Variants in SCAP observed in about 807,000 individuals in gnomAD.
The protein encoded by SCAP is sterol regulatory element-binding protein cleavage-activating protein.
Under a neutral mutation model 123.6 loss-of-function variants are expected in SCAP, and 65 were observed. The ratio of observed to expected loss-of-function variants is 0.53; its 90% confidence interval spans 0.43 to 0.65. The LOEUF is 0.65. Among genes scored for constraint, SCAP ranks in the 30% least tolerant of loss-of-function variants. The pLI is 0.00. For missense variants in SCAP, 1,398 were observed against 1,712.5 expected, an observed-to-expected ratio of 0.82 and a Z score of 3.24; for synonymous variants, 740 against 726.3, an observed-to-expected ratio of 1.02 and a Z score of -0.30.
chr3:47,433,425 C>G (rs377502093), intron 3 of SCAP, among the ~76,000 whole-genome samples: 1 of 152,212 alleles, frequency 6.6e-6, no homozygotes, highest in African/African-American at 2.4e-5. Context: ...CCAACACTTT[C>G]TATCATCATC....
At chr3:47,446,079 T>A (rs1042043699) in intron 1 of SCAP, among the ~76,000 whole-genome samples, 4 of 151,814 alleles carry the variant, frequency 2.6e-5, no homozygotes, top group Non-Finnish European at 4.4e-5. Context: ...TTTCACCATC[T>A]TGGCCAGGAT....
At position 47,419,771 on chromosome 3, in the gene SCAP, T is replaced by C; in HGVS notation, c.1564-67A>G. The C allele has an allele frequency of 1.3e-6, 2 of 1,489,236 alleles. No homozygotes were observed. The highest frequency in any genetic ancestry group is 2.8e-5 in the South Asian group (2 of 71,440). The allele number at this position is 1,489,236 out of a possible 1,614,324, so 92.3% of individuals were successfully genotyped here. ...CAACCCCCAGCAGCTTCAGCCCTCATGCTGAGAGGAAGCAGCACAGGGACC... is the reference window on the plus strand; with the variant it reads ...CAACCCCCAGCAGCTTCAGCCCTCACGCTGAGAGGAAGCAGCACAGGGACC... On this transcript the variant is annotated intron_variant, in intron 12 of 22. Coordinates refer to ENST00000265565, the MANE Select transcript of SCAP (RefSeq NM_012235.4). This position sits in a 1 kb window ranked among gnomAD's most constrained non-coding sequence, Gnocchi z 5.0.
chr3:47,441,707 T>C (rs1706810590), intron 2 of SCAP, among the ~76,000 whole-genome samples: 1 of 151,958 alleles, frequency 6.6e-6, no homozygotes, highest in Admixed American at 6.6e-5. Flanking sequence ...TGGCTTGGAT[T>C]TGAATTTGAA....
chr3:47,421,991 C>T (rs550777450), intron 10 of SCAP, among the ~76,000 whole-genome samples: 2 of 152,396 alleles, frequency 1.3e-5, no homozygotes, highest in Non-Finnish European at 2.9e-5. Flanking sequence ...CAAGGCCATG[C>T]GTCTGGCGAC....
At position 47,420,289 on chromosome 3, in the gene SCAP, G is replaced by T. The variant is rs1705833704; in HGVS notation, c.1563+265C>A. 6.6e-6 allele frequency among the ~76,000 whole-genome samples: 1 copy of T among 152,208 alleles called. No individual in the cohort carries two copies. The highest frequency in any genetic ancestry group is 2.4e-5 in the African/African-American group (1 of 41,456). On this transcript the variant is annotated intron_variant, in intron 12 of 22. Coordinates refer to ENST00000265565, the MANE Select transcript of SCAP (RefSeq NM_012235.4). The surrounding 1 kb of genome is among the most constrained non-coding windows in gnomAD (Gnocchi z 5.0). ...CCATCCCAGAGCACTCAACTAACAGGCTCCTGTCCTGGGCCACTCTGGGGA... is the reference window on the plus strand; with the variant it reads ...CCATCCCAGAGCACTCAACTAACAGTCTCCTGTCCTGGGCCACTCTGGGGA...
chr3:47,432,565 T>G (rs1706409597), intron 3 of SCAP, among the ~76,000 whole-genome samples: 1 of 152,200 alleles, frequency 6.6e-6, no homozygotes, highest in South Asian at 2.1e-4. Context: ...AGTGCTGAAC[T>G]CAGCAGTGAG....
intron 8 of SCAP, 61 bp from the exon 9 acceptor site, chr3:47,424,106 C>A: frequency 7.7e-7 from 1 of 1,303,300 alleles, no homozygotes. Flanking sequence ...AGACTGGGGC[C>A]CTCAGGAAGG....
chr3:47,444,750 C>T (rs528420584), intron 1 of SCAP, among the ~76,000 whole-genome samples: 1 of 151,682 alleles, frequency 6.6e-6, no homozygotes, highest in African/African-American at 2.4e-5. Flanking sequence ...GCTGGGATTA[C>T]AGGCACGAAC....
intron 1 of SCAP, among the ~76,000 whole-genome samples, chr3:47,469,561 G>A (rs1293109506): frequency 6.6e-6 from 1 of 152,154 alleles, no homozygotes. Flanking sequence ...GTTTCACCAT[G>A]TTGGCCAAGC....
rs1361610443 is a variant in SCAP, at chr3:47,419,454, T to G, written c.1814A>C (p.Glu605Ala). 3 of 1,613,868 alleles carry G rather than the reference T, an allele frequency of 1.9e-6. No individual in the cohort carries two copies. Among genetic ancestry groups the G allele is most frequent in the East Asian group, 2.2e-5 (1 of 44,892 alleles). ...GESPERGGPA[E>A]VVHDSPVPEV... The stretch of plus-strand genomic sequence containing the variant: ...TGGGACTGGGCTGTCATGGACAACC[T>G]CTGCTGGACCTCCACGCTCAGGTGA... The change falls in exon 13 of 23, where the codon GAG becomes GCG. Residue 605 changes from glutamate to alanine, a missense_variant. Coordinates refer to ENST00000265565, the MANE Select transcript of SCAP (RefSeq NM_012235.4). The surrounding 1 kb of genome is among the most constrained non-coding windows in gnomAD (Gnocchi z 5.0).
At position 47,421,015 on chromosome 3, in the gene SCAP, A is replaced by G. The variant is rs879485750; in HGVS notation, c.1260T>C (p.Phe420=). 6.2e-7 allele frequency: 1 copy of G among 1,613,850 alleles called. No individual in the cohort carries two copies. Among genetic ancestry groups the G allele is most frequent in the Non-Finnish European group, 8.5e-7 (1 of 1,179,882 alleles). ...AGTCAGACACCAGCCCCACGACAGC[A>G]AAGAGACAGAACTCCTGGAATCAGA... ...LVPAIQEFCL[F]AVVGLVSDFF... Residue 420 remains phenylalanine (F), a synonymous_variant, in exon 11 of 23, where the codon TTT becomes TTC. Transcript: ENST00000265565.
At position 47,418,744 on chromosome 3, in the gene SCAP, G is replaced by A. The variant is rs373163455; in HGVS notation, c.2040C>T (p.Pro680=). The change falls in exon 14 of 23, where the codon CCC becomes CCT. Residue 680 remains proline, a synonymous_variant. Coordinates refer to ENST00000265565, the MANE Select transcript of SCAP (RefSeq NM_012235.4). ...GCCCAGCAGGTATGGGCCCCGGTGGGGGCCAGGCACTGCGGCCGTCCTGAG... is the reference window on the plus strand; with the variant it reads ...GCCCAGCAGGTATGGGCCCCGGTGGAGGCCAGGCACTGCGGCCGTCCTGAG... The part of the protein sequence containing the change: ...RHPQDGRSAW[P]PPGPIPAGHW... The A allele has an allele frequency of 6.3e-7, 1 of 1,597,572 alleles. No individual in the cohort carries two copies. Among genetic ancestry groups the A allele is most frequent in the East Asian group, 2.2e-5 (1 of 44,660 alleles).
intron 21 of SCAP, 91 bp from the exon 22 acceptor site, chr3:47,414,477 C>T: frequency 6.3e-7 from 1 of 1,598,138 alleles, no homozygotes; most frequent in Non-Finnish European, 8.6e-7. Context: ...GGGGCCCTGA[C>T]TGCTTCCTGG....
At chr3:47,469,505 G>A (rs570917323) in intron 1 of SCAP, among the ~76,000 whole-genome samples, 1 of 152,218 alleles carries the variant, frequency 6.6e-6, no homozygotes, top group South Asian at 2.1e-4. Context: ...TTACAGGTGC[G>A]TGCCACCATG....
intron 1 of SCAP, among the ~76,000 whole-genome samples, chr3:47,470,744 C>G (rs1362902120): frequency 2.0e-5 from 3 of 152,058 alleles, no homozygotes; most frequent in Admixed American, 6.5e-5. Context: ...GCCTGTAATC[C>G]CAGCTACTTG....
chr3:47,467,670 CAT>C (rs569653244), intron 1 of SCAP, among the ~76,000 whole-genome samples: 245 of 152,200 alleles, frequency 1.6e-3, no homozygotes, highest in Non-Finnish European at 2.0e-3. Context: ...GGCCAATCAA[CAT>C]ATGAAAAATT....
rs556145808 is a variant in SCAP, at chr3:47,442,516, A to G, written c.122+356T>C. ...GACTTTGCCTCGCAACACACAAAAA[A>G]GGCTCTTGCACTTAACCAGGTACTA... is the stretch of plus-strand genomic sequence containing the variant. On this transcript the variant is annotated intron_variant, in intron 2 of 22. Transcript: ENST00000265565. Among the ~76,000 whole-genome samples the G allele has an allele frequency of 3.5e-4, 54 of 152,384 alleles. 1 individual carries two copies. The South Asian group carries it at 5.6e-3, about 16-fold the overall frequency.
chr3:47,472,023 C>T (rs1164173789), intron 1 of SCAP, among the ~76,000 whole-genome samples: 8 of 151,798 alleles, frequency 5.3e-5, no homozygotes, highest in African/African-American at 1.7e-4. Flanking sequence ...AGCTGTAATC[C>T]CAGCTACTCG....
Position 47,466,130 on chromosome 3 carries a change from AAAAACC to A in SCAP, c.-99+9663_-99+9668del, listed in dbSNP as rs1480276139. On this transcript the variant is annotated intron_variant, in intron 1 of 22. Transcript: ENST00000265565. ...CCTGACAACAGAGTGAGACTGTCTT[AAAAACC>A]AAAAAAAAAAAAAAAAAAAAAGAAA... Among the ~76,000 whole-genome samples the A allele has an allele frequency of 2.1e-5, 3 of 142,888 alleles. No homozygotes were observed. In the East Asian group the frequency reaches 6.7e-4, roughly 32 times the overall value. 93.7% of individuals were successfully genotyped at this position (142,888 alleles called of 152,430 possible).
Sources: gnomAD v4.1 joint callset for allele counts (sites outside exome capture counted in the v4.1 genomes callset) on GRCh38, gnomAD v4.1.1 for gene constraint, Gnocchi (gnomAD v3.1) non-coding constraint, MANE v1.5 for transcripts, NCBI Gene and HGNC (gene_info 2026-07-23, HGNC 2026-07-21) for gene names.